The following RBM15 variants were observed in gnomAD, a reference collection of about 807,000 sequenced individuals.
RBM15 encodes RNA-binding protein 15.
RBM15 carries 8 observed loss-of-function variants against 62.6 expected under a neutral mutation model. The ratio of observed to expected loss-of-function variants is 0.13; its 90% CI spans 0.07 to 0.23. RBM15 has a LOEUF of 0.23. Ranked by LOEUF, RBM15 falls within the 10% of genes least tolerant of loss-of-function variation. RBM15 has a pLI of 1.00. For synonymous variants in RBM15, 606 were observed against 505.7 expected (o/e 1.20, Z -2.66); for missense variants, 1,144 against 1,286.5 (o/e 0.89, Z 1.69).
At position 110,341,694 on chromosome 1, in the gene RBM15, G is replaced by C. The variant is rs1217877497; in HGVS notation, c.2289G>C (p.Leu763=). 6 of 1,614,042 alleles carry C rather than the reference G, an allele frequency of 3.7e-6. No individual in the cohort carries two copies. Among genetic ancestry groups the C allele is most frequent in the Non-Finnish European group, 4.2e-6 (5 of 1,180,034 alleles). The part of the protein sequence containing the change: ...APSTSTASSK[L]KSPSQKQDGG... ...GCACCAGCACTGCTTCCTCCAAGCT[G>C]AAGTCCCCGTCCCAGAAACAGGATG... The change falls in exon 1 of 3, where the codon CTG becomes CTC. Residue 763 remains leucine, a synonymous_variant. Coordinates refer to ENST00000369784, the MANE Select transcript of RBM15 (RefSeq NM_022768.5). This position sits in a 1 kb window ranked among gnomAD's most constrained non-coding sequence, Gnocchi z 4.5.
chr1:110,342,575 T>G, intron 1 of RBM15: 1 of 334,832 alleles, frequency 3.0e-6, no homozygotes, highest in Non-Finnish European at 5.3e-6. Flanking sequence ...CAGTTGTTTT[T>G]TTTTTAATCT....
Position 110,340,492 on chromosome 1 carries a change from G to A in RBM15, c.1087G>A (p.Glu363Lys), listed in dbSNP as rs367703697. Residue 363 changes from glutamate (E) to lysine (K), a missense_variant, in exon 1 of 3, where the codon GAG becomes AAG. Glu to Lys is a moderately conservative substitution (Grantham distance 56). Coordinates refer to ENST00000369784, the MANE Select transcript of RBM15 (RefSeq NM_022768.5). The surrounding 1 kb of genome is among the most constrained non-coding windows in gnomAD (Gnocchi z 5.8). Reference sequence around the variant, plus strand: ...TGCTGCTCCTTTCAGAGAAGTGGATGAGATTTCACCCGAGGATGATCAGCG... The same window carrying A: ...TGCTGCTCCTTTCAGAGAAGTGGATAAGATTTCACCCGAGGATGATCAGCG... The part of the protein sequence containing the change: ...AGAAPFREVD[E>K]ISPEDDQRAN... 1.2e-6 allele frequency: 2 copies of A among 1,613,940 alleles called. No homozygotes were observed. Among genetic ancestry groups the A allele is most frequent in the Non-Finnish European group, 1.7e-6 (2 of 1,179,976 alleles).
chr1:110,345,012 TAAGTA>T (rs1282997194), intron 1 of RBM15, among the ~76,000 whole-genome samples: 1 of 152,214 alleles, frequency 6.6e-6, no homozygotes, highest in East Asian at 1.9e-4. Flanking sequence ...ACTTTTTGGT[TAAGTA>T]TTTTGTTGGG....
At position 110,346,553 on chromosome 1, in the gene RBM15, C is replaced by G; in HGVS notation, c.*286C>G. 1 of 562,040 alleles carries G rather than the reference C, an allele frequency of 1.8e-6. No homozygotes were observed. The highest frequency in any genetic ancestry group is 3.1e-6 in the Non-Finnish European group (1 of 320,628). The allele number at this position is 562,040 out of a possible 1,614,324, so 34.8% of individuals were successfully genotyped here. On this transcript the variant is annotated 3_prime_UTR_variant, in exon 3 of 3. Transcript: ENST00000369784. The stretch of plus-strand genomic sequence containing the variant: ...GATTTGTGCTGTGTACACAAGATTT[C>G]TGGAAAAGTAAAGAAAAACCCTTTT...
chr1:110,341,647 C>T lies in RBM15; in HGVS notation c.2242C>T (p.Arg748Cys). Residue 748 changes from arginine to cysteine, a missense_variant, in exon 1 of 3, where the codon CGC becomes TGC. By Grantham distance (180) the Arg-to-Cys change is radical (BLOSUM62 -3). Coordinates refer to ENST00000369784, the MANE Select transcript of RBM15 (RefSeq NM_022768.5). This position sits in a 1 kb window ranked among gnomAD's most constrained non-coding sequence, Gnocchi z 4.5. ...EGKSPLKKEDRSDGSAPSTST... is the reference protein window; with the variant it reads ...EGKSPLKKEDCSDGSAPSTST... Reference sequence around the variant, plus strand: ...AAAAAGCCCTCTGAAAAAAGAAGACCGCTCTGATGGGAGTGCACCTAGCAC... The same window carrying T: ...AAAAAGCCCTCTGAAAAAAGAAGACTGCTCTGATGGGAGTGCACCTAGCAC... 2 of 1,614,154 alleles carry T rather than the reference C, an allele frequency of 1.2e-6. No homozygotes were observed. The highest frequency in any genetic ancestry group is 1.1e-5 in the South Asian group (1 of 91,070).
intron 2 of RBM15, among the ~76,000 whole-genome samples, chr1:110,346,026 C>T (rs2100943257): frequency 6.6e-6 from 1 of 152,068 alleles, no homozygotes. Flanking sequence ...ATGTTTTACT[C>T]AGTTACATGA....
At position 110,341,337 on chromosome 1, in the gene RBM15, G is replaced by C. The variant is rs1270175505; in HGVS notation, c.1932G>C (p.Leu644=). Residue 644 remains leucine, a synonymous_variant, in exon 1 of 3, where the codon CTG becomes CTC. Transcript: ENST00000369784. The surrounding 1 kb of genome is among the most constrained non-coding windows in gnomAD (Gnocchi z 4.5). ...GAGACCAGCCTAGGAAGCGAAGGCT[G>C]CCTGAGGAGAGTGGAGGACGTCATC... is the stretch of plus-strand genomic sequence containing the variant. ...SSRDQPRKRR[L]PEESGGRHLD... The C allele has an allele frequency of 6.2e-7, 1 of 1,614,150 alleles. No homozygotes were observed. The highest frequency in any genetic ancestry group is 8.5e-7 in the Non-Finnish European group (1 of 1,180,022).
At position 110,346,288 on chromosome 1, in the gene RBM15, T is replaced by C. The variant is rs1285819984; in HGVS notation, c.*41-20T>C. 1.3e-6 allele frequency: 2 copies of C among 1,597,734 alleles called. No individual in the cohort carries two copies. Among genetic ancestry groups the C allele is most frequent in the Admixed American group, 1.7e-5 (1 of 60,000 alleles). ...GTAAACATTTGTACTGAATAACCTT[T>C]TTTTCCCCCCCTCCGCAAGCAAAAC... On this transcript the variant is annotated intron_variant, in intron 2 of 2. Coordinates refer to ENST00000369784, the MANE Select transcript of RBM15 (RefSeq NM_022768.5).
rs368046643 is a variant in RBM15 at position 110,339,500 on chromosome 1, C to G, written c.95C>G (p.Thr32Ser). The G allele has an allele frequency of 6.9e-6, 11 of 1,592,676 alleles. No individual in the cohort carries two copies. The Admixed American group carries it at 1.5e-4, about 22-fold the overall frequency. The change falls in exon 1 of 3, where the codon ACT becomes AGT. Residue 32 changes from threonine to serine, a missense_variant. By Grantham distance (58) the Thr-to-Ser change is moderately conservative. Transcript: ENST00000369784. Reference sequence around the variant, plus strand: ...GAAACGAGCGCGGGGCGGCGGGTTACTCAGCTCCGCGGAGACGACCTCCGA... The same window carrying G: ...GAAACGAGCGCGGGGCGGCGGGTTAGTCAGCTCCGCGGAGACGACCTCCGA... Reference protein sequence around the residue: ...LCETSAGRRVTQLRGDDLRRP... With the variant: ...LCETSAGRRVSQLRGDDLRRP...
intron 2 of RBM15, among the ~76,000 whole-genome samples, chr1:110,345,965 T>C (rs1660890246): frequency 6.6e-6 from 1 of 152,324 alleles, no homozygotes; most frequent in African/African-American, 2.4e-5. Flanking sequence ...ATTTAGAATA[T>C]ATTGATAGAT....
At position 110,341,374 on chromosome 1, in the gene RBM15, C is replaced by T; in HGVS notation, c.1969C>T (p.Pro657Ser). Residue 657 changes from proline to serine, a missense_variant, in exon 1 of 3, where the codon CCT becomes TCT. This residue lies in a region of RBM15 where 360 missense variants were observed against 342.9 expected (regional missense o/e 1.05). Transcript: ENST00000369784. This position sits in a 1 kb window ranked among gnomAD's most constrained non-coding sequence, Gnocchi z 4.5. ...TGGAGGACGTCATCTGGATAGGTCT[C>T]CTGAGAGTGACCGCCCACGAAAACG... Reference protein sequence around the residue: ...ESGGRHLDRSPESDRPRKRHC... With the variant: ...ESGGRHLDRSSESDRPRKRHC... 1 of 1,614,084 alleles carries T rather than the reference C, an allele frequency of 6.2e-7. No individual in the cohort carries two copies. Among genetic ancestry groups the T allele is most frequent in the Non-Finnish European group, 8.5e-7 (1 of 1,179,978 alleles).
At position 110,341,552 on chromosome 1, in the gene RBM15, A is replaced by G; in HGVS notation, c.2147A>G (p.Lys716Arg). The G allele has an allele frequency of 6.2e-7, 1 of 1,614,100 alleles. No individual in the cohort carries two copies. The highest frequency in any genetic ancestry group is 8.5e-7 in the Non-Finnish European group (1 of 1,180,022). Residue 716 changes from lysine (K) to arginine (R), a missense_variant, in exon 1 of 3, where the codon AAG becomes AGG. Coordinates refer to ENST00000369784, the MANE Select transcript of RBM15 (RefSeq NM_022768.5). This position sits in a 1 kb window ranked among gnomAD's most constrained non-coding sequence, Gnocchi z 4.5. ...RGSLEKSQGDKRDRKNSASAE... is the reference protein window; with the variant it reads ...RGSLEKSQGDRRDRKNSASAE... ...AGTTTGGAGAAGAGCCAGGGTGACA[A>G]GCGAGACCGTAAAAACTCTGCATCA...
In RBM15 at chr1:110,339,680, G is replaced by A; in HGVS notation, c.275G>A (p.Gly92Asp). The A allele has an allele frequency of 6.2e-7, 1 of 1,613,034 alleles. No homozygotes were observed. The highest frequency in any genetic ancestry group is 8.5e-7 in the Non-Finnish European group (1 of 1,179,940). Residue 92 changes from glycine to aspartate, a missense_variant, in exon 1 of 3, where the codon GGT (glycine) becomes GAT (aspartate). Gly to Asp is a moderately conservative substitution (Grantham distance 94). Coordinates refer to ENST00000369784, the MANE Select transcript of RBM15 (RefSeq NM_022768.5). ...AGCAGCGGAAAGACCGATAGCGGCG[G>A]TGGGTCGCGGCGGAGTCTCCACCTG... Reference protein sequence around the residue: ...GSSSGKTDSGGGSRRSLHLDK... With the variant: ...GSSSGKTDSGDGSRRSLHLDK...
chr1:110,345,687 T>G, intron 2 of RBM15, 38 bp downstream of exon 2: 1 of 1,263,068 alleles, frequency 7.9e-7, no homozygotes, highest in South Asian at 1.4e-5. Flanking sequence ...TGAAGAGTTT[T>G]ATATGTATGG....
chr1:110,340,022 A>C lies in RBM15; in HGVS notation c.617A>C (p.His206Pro). The C allele has an allele frequency of 6.2e-7, 1 of 1,614,114 alleles. No individual in the cohort carries two copies. The highest frequency in any genetic ancestry group is 8.5e-7 in the Non-Finnish European group (1 of 1,180,028). ...RFGDVSVKIS[H>P]LSGSGSGDER... ...GGTGATGTAAGTGTGAAAATCAGTC[A>C]TCTGTCGGGTTCTGGCAGCGGGGAT... Residue 206 changes from histidine to proline, a missense_variant, in exon 1 of 3, where the codon CAT becomes CCT. This residue lies in a region of RBM15 where 188 missense variants were observed against 185.6 expected (regional missense o/e 1.01). Transcript: ENST00000369784. This position sits in a 1 kb window ranked among gnomAD's most constrained non-coding sequence, Gnocchi z 5.8.
rs868327068 is a variant in RBM15, at chr1:110,341,410, C to T, written c.2005C>T (p.Pro669Ser). ...SDRPRKRHCA[P>S]SPDRSPELSS... Reference sequence around the variant, plus strand: ...CCGCCCACGAAAACGTCACTGCGCTCCTTCTCCTGACCGCAGTCCAGAATT... The same window carrying T: ...CCGCCCACGAAAACGTCACTGCGCTTCTTCTCCTGACCGCAGTCCAGAATT... Residue 669 changes from proline to serine, a missense_variant, in exon 1 of 3, where the codon CCT becomes TCT. Pro to Ser is a moderately conservative substitution (Grantham distance 74). Coordinates refer to ENST00000369784, the MANE Select transcript of RBM15 (RefSeq NM_022768.5). The surrounding 1 kb of genome is among the most constrained non-coding windows in gnomAD (Gnocchi z 4.5). 6.2e-7 allele frequency: 1 copy of T among 1,614,158 alleles called. No homozygotes were observed. Among genetic ancestry groups the T allele is most frequent in the Non-Finnish European group, 8.5e-7 (1 of 1,180,022 alleles).
chr1:110,341,298 T>C lies in RBM15; in HGVS notation c.1893T>C (p.Asp631=). The C allele has an allele frequency of 6.2e-7, 1 of 1,614,010 alleles. No individual in the cohort carries two copies. The highest frequency in any genetic ancestry group is 8.5e-7 in the Non-Finnish European group (1 of 1,179,996). Residue 631 remains aspartate, a synonymous_variant, in exon 1 of 3, where the codon GAT becomes GAC. Coordinates refer to ENST00000369784, the MANE Select transcript of RBM15 (RefSeq NM_022768.5). This position sits in a 1 kb window ranked among gnomAD's most constrained non-coding sequence, Gnocchi z 4.5. ...WSLDRDRGDR[D]LPSSRDQPRK... ...TGGACCGGGACAGAGGTGATCGAGA[T>C]CTGCCCAGCAGCAGAGACCAGCCTA...
Position 110,339,437 on chromosome 1 carries a change from G to T in RBM15, c.32G>T (p.Arg11Leu), listed in dbSNP as rs147573730. Residue 11 changes from arginine to leucine, a missense_variant, in exon 1 of 3, where the codon CGG becomes CTG. Arg to Leu is a moderately radical substitution (Grantham distance 102, BLOSUM62 -2). Coordinates refer to ENST00000369784, the MANE Select transcript of RBM15 (RefSeq NM_022768.5). MRTAGRDPVP[R>L]RSPRWRRAVP... ...ACTGCGGGGCGGGACCCTGTGCCGCGGCGGAGTCCAAGATGGCGGCGTGCG... is the reference window on the plus strand; with the variant it reads ...ACTGCGGGGCGGGACCCTGTGCCGCTGCGGAGTCCAAGATGGCGGCGTGCG... 1 of 1,534,310 alleles carries T rather than the reference G, an allele frequency of 6.5e-7. No homozygotes were observed. Among genetic ancestry groups the T allele is most frequent in the Non-Finnish European group, 8.8e-7 (1 of 1,138,454 alleles).
chr1:110,341,627 G>A lies in RBM15; in HGVS notation c.2222G>A (p.Ser741Asn). Residue 741 changes from serine to asparagine, a missense_variant, in exon 1 of 3, where the codon AGC (serine) becomes AAC (asparagine). By Grantham distance (46) the Ser-to-Asn change is conservative (BLOSUM62 1). Around this residue, in one of 8 missense-constraint regions of RBM15, gnomAD observed 360 missense variants for 342.9 expected, o/e 1.05. Coordinates refer to ENST00000369784, the MANE Select transcript of RBM15 (RefSeq NM_022768.5). The surrounding 1 kb of genome is among the most constrained non-coding windows in gnomAD (Gnocchi z 4.5). Reference sequence around the variant, plus strand: ...ACAACTGCTCCCACTGAGGGAAAAAGCCCTCTGAAAAAAGAAGACCGCTCT... The same window carrying A: ...ACAACTGCTCCCACTGAGGGAAAAAACCCTCTGAAAAAAGAAGACCGCTCT... ...HRTTAPTEGK[S>N]PLKKEDRSDG... is the part of the protein sequence containing the mutation. 6.2e-7 allele frequency: 1 copy of A among 1,614,110 alleles called. No individual in the cohort carries two copies. The highest frequency in any genetic ancestry group is 2.2e-5 in the East Asian group (1 of 44,874).
Sources: gnomAD v4.1 joint callset for allele counts (sites outside exome capture counted in the v4.1 genomes callset) on GRCh38, gnomAD v4.1.1 for gene constraint, gnomAD v4.1.1 regional missense constraint, Gnocchi (gnomAD v3.1) non-coding constraint, MANE v1.5 for transcripts, NCBI Gene and HGNC (gene_info 2026-07-23, HGNC 2026-07-21) for gene names.